The following PBX3 variants were observed in gnomAD, a reference collection of about 807,000 sequenced individuals.
PBX3 encodes pre-B-cell leukemia transcription factor 3.
In PBX3, 14 loss-of-function variants were observed where a neutral mutation model predicts 48.5. The ratio of observed to expected loss-of-function variants is 0.29; its 90% CI spans 0.19 to 0.45. PBX3 has a LOEUF of 0.45. Among genes scored for constraint, PBX3 ranks in the 20% least tolerant of loss-of-function variants. The pLI is 1.00. For missense variants in PBX3, 386 were observed against 546.7 expected (o/e 0.71, Z 2.93); for synonymous variants, 210 against 200.3 (o/e 1.05, Z -0.41).
chr9:125,768,639 A>G (rs1836861620), intron 2 of PBX3, among the ~76,000 whole-genome samples: 1 of 152,222 alleles, frequency 6.6e-6, no homozygotes. Context: ...GACTTAATGG[A>G]AGACAACTGG....
intron 2 of PBX3, among the ~76,000 whole-genome samples, chr9:125,766,083 AG>A (rs1836794806): frequency 1.3e-5 from 2 of 152,260 alleles, no homozygotes; most frequent in African/African-American, 2.4e-5. Context: ...AAGGGACTGT[AG>A]GTTCTTAGAG....
chr9:125,834,595 G>A (rs1034559535), intron 2 of PBX3, among the ~76,000 whole-genome samples: 9 of 150,982 alleles, frequency 6.0e-5, no homozygotes, highest in Admixed American at 2.0e-4. Flanking sequence ...CGGGGGTTGC[G>A]CCAAGTTGAC....
chr9:125,935,145 G>A (rs975187377), intron 4 of PBX3, among the ~76,000 whole-genome samples: 1 of 152,038 alleles, frequency 6.6e-6, no homozygotes, highest in Admixed American at 6.6e-5. Flanking sequence ...CCTCTGCCCA[G>A]TCCTCTTCCC....
intron 2 of PBX3, among the ~76,000 whole-genome samples, chr9:125,792,065 CGCACGCACGCAT>C (rs1837629572): frequency 6.8e-6 from 1 of 146,246 alleles, no homozygotes; most frequent in Non-Finnish European, 1.5e-5. Flanking sequence ...CACGCACGCA[CGCACGCACGCAT>C]ATAAATAAAT....
intron 2 of PBX3, among the ~76,000 whole-genome samples, chr9:125,768,442 T>C (rs757153412): frequency 2.0e-5 from 3 of 152,212 alleles, no homozygotes; most frequent in Admixed American, 2.0e-4. Context: ...CGAAACAAAT[T>C]CTTAAAACGT....
In PBX3 at chr9:125,792,728, T is replaced by G. The variant is rs543982612; in HGVS notation, c.274+44105T>G. 2.4e-3 allele frequency among the ~76,000 whole-genome samples: 357 copies of G among 149,980 alleles called. 2 individuals are homozygous for G. The highest frequency in any genetic ancestry group is 3.9e-3 in the Non-Finnish European group (266 of 67,584). On this transcript the variant is annotated intron_variant, in intron 2 of 8. Transcript: ENST00000373489. ...TTTTTTTTTTTTTTGAGTTGGAGTC[T>G]CACTCTGTTGCCCAAGCTGGAGTGC...
At chr9:125,947,190 GAAAT>G (rs1326742594) in intron 5 of PBX3, among the ~76,000 whole-genome samples, 4 of 152,146 alleles carry the variant, frequency 2.6e-5, no homozygotes, top group African/African-American at 4.8e-5. Flanking sequence ...TTTTCAGACA[GAAAT>G]AAAAAGATTA....
intron 2 of PBX3, among the ~76,000 whole-genome samples, chr9:125,889,820 GTCCGCCGC>G (rs1390386639): frequency 2.0e-5 from 3 of 148,336 alleles, no homozygotes; most frequent in Admixed American, 6.7e-5. Context: ...CCGGATCGCC[GTCCGCCGC>G]TCCGCGGCTC....
chr9:125,799,599 A>G (rs1837881090), intron 2 of PBX3, among the ~76,000 whole-genome samples: 1 of 152,240 alleles, frequency 6.6e-6, no homozygotes, highest in Non-Finnish European at 1.5e-5. Context: ...ATTGCATTAT[A>G]GTACAATATA....
At chr9:125,774,987 C>T (rs1347690521) in intron 2 of PBX3, among the ~76,000 whole-genome samples, 1 of 152,114 alleles carries the variant, frequency 6.6e-6, no homozygotes, top group Non-Finnish European at 1.5e-5. Flanking sequence ...CTGCCTCAGC[C>T]TCCCAAGTAG....
At chr9:125,870,474 T>TCAAA (rs141152111) in intron 2 of PBX3, among the ~76,000 whole-genome samples, 27 of 151,992 alleles carry the variant, frequency 1.8e-4, no homozygotes, top group South Asian at 1.0e-3. Context: ...CTAGACACTG[T>TCAAA]CAAACAAACA....
In PBX3 at chr9:125,959,333, C is replaced by T. The variant is rs185476566; in HGVS notation, c.844-1351C>T. 4.6e-5 allele frequency among the ~76,000 whole-genome samples: 7 copies of T among 152,336 alleles called. No homozygotes were observed. In the East Asian group the frequency reaches 5.8e-4, roughly 13 times the overall value. ...TGGGCTTTGGCTTGTTTCTGTCTGA[C>T]GAACCTATGCTCATGGTTGCTGCAT... On this transcript the variant is annotated intron_variant, in intron 5 of 8. Transcript: ENST00000373489.
chr9:125,764,177 C>A (rs1564642719), intron 2 of PBX3, among the ~76,000 whole-genome samples: 1 of 152,130 alleles, frequency 6.6e-6, no homozygotes, highest in South Asian at 2.1e-4. Flanking sequence ...CCTGCCCCTC[C>A]CCCTGGTTTT....
At chr9:125,954,117 T>C (rs1039899247) in intron 5 of PBX3, among the ~76,000 whole-genome samples, 22 of 152,232 alleles carry the variant, frequency 1.4e-4, no homozygotes, top group African/African-American at 5.3e-4. Flanking sequence ...CCCCGAAGTA[T>C]GAGACCCTCT....
At chr9:125,932,901 A>G (rs10819087) in intron 4 of PBX3, among the ~76,000 whole-genome samples, 114,438 of 152,090 alleles carry the variant, frequency 0.75, 43,498 homozygotes, top group African/African-American at 0.84. Flanking sequence ...CTCTTCTCCC[A>G]TAGAGATTGC....
chr9:125,910,073 A>G (rs1353478969), intron 2 of PBX3, among the ~76,000 whole-genome samples: 2 of 152,122 alleles, frequency 1.3e-5, no homozygotes, highest in Non-Finnish European at 2.9e-5. Flanking sequence ...ATTATGGGGA[A>G]TCTTTCTAGT....
chr9:125,851,763 A>T lies in PBX3; in HGVS notation c.275-63923A>T, dbSNP rs750449410. ...GAACTTTTATTATACTATGAAATCA[A>T]TTATTTCTTGGGTGCTCACTGTGTA... On this transcript the variant is annotated intron_variant, in intron 2 of 8. Coordinates refer to ENST00000373489, the MANE Select transcript of PBX3 (RefSeq NM_006195.6). Among the ~76,000 whole-genome samples, 102 of 151,994 alleles carry T rather than the reference A, an allele frequency of 6.7e-4. 1 individual carries two copies. Among genetic ancestry groups the T allele is most frequent in the Admixed American group, 7.9e-4 (12 of 15,238 alleles).
chr9:125,809,745 A>T (rs1838232755), intron 2 of PBX3, among the ~76,000 whole-genome samples: 3 of 152,206 alleles, frequency 2.0e-5, no homozygotes, highest in African/African-American at 7.2e-5. Flanking sequence ...TGTAAACCAT[A>T]AGGAAGAAAT....
chr9:125,880,130 C>T (rs775901597), intron 2 of PBX3, among the ~76,000 whole-genome samples: 1 of 152,180 alleles, frequency 6.6e-6, no homozygotes, highest in Non-Finnish European at 1.5e-5. Context: ...CTGCACCCTC[C>T]GCCTCCCGGG....
Sources: allele counts gnomAD v4.1 joint callset (sites outside exome capture counted in the v4.1 genomes callset), GRCh38; gene constraint gnomAD v4.1.1; transcripts MANE v1.5; gene names NCBI Gene and HGNC (gene_info 2026-07-23, HGNC 2026-07-21).